The following GBF1 variants were observed in gnomAD, a reference collection of about 807,000 sequenced individuals.
The protein encoded by GBF1 is Golgi-specific brefeldin A-resistance guanine nucleotide exchange factor 1.
A neutral mutation model predicts 210.5 loss-of-function variants in GBF1; 114 were observed. The observed-to-expected ratio is 0.54, with a 90% confidence interval of 0.47 to 0.63. GBF1 has a LOEUF of 0.63. Ranked by LOEUF, GBF1 falls within the 30% of genes least tolerant of loss-of-function variation. The pLI is 0.00. For missense variants in GBF1, 1,851 were observed against 2,357.7 expected (o/e 0.79, Z 4.45); for synonymous variants, 850 against 889.2 (o/e 0.96, Z 0.78).
the GBF1 span, among the ~76,000 whole-genome samples, chr10:102,239,558 A>G: frequency 6.6e-6 from 1 of 152,268 alleles, no homozygotes; most frequent in Non-Finnish European, 1.5e-5. Flanking sequence ...AATCCTAGCC[A>G]GTAATAAGCA....
At chr10:102,291,800 A>G (rs976460041) in intron 3 of GBF1, among the ~76,000 whole-genome samples, 8 of 152,034 alleles carry the variant, frequency 5.3e-5, no homozygotes, top group Admixed American at 5.2e-4. Flanking sequence ...TACCATTGAC[A>G]AAGGTTCTCT....
chr10:102,250,913 C>T (rs900911228), intron 1 of GBF1, among the ~76,000 whole-genome samples: 3 of 151,748 alleles, frequency 2.0e-5, no homozygotes, highest in Non-Finnish European at 2.9e-5. Flanking sequence ...GCCGAGATTG[C>T]GCCACTGCAC....
chr10:102,325,401 T>G (rs1385990546), intron 3 of GBF1, among the ~76,000 whole-genome samples: 4 of 151,706 alleles, frequency 2.6e-5, no homozygotes, highest in Non-Finnish European at 5.9e-5. Flanking sequence ...AATGCAAAAA[T>G]TAGCTAGGCG....
chr10:102,378,470 A>G (rs2060642214), intron 33 of GBF1, among the ~76,000 whole-genome samples: 1 of 151,618 alleles, frequency 6.6e-6, no homozygotes, highest in Non-Finnish European at 1.5e-5. Context: ...AAAAATAAAA[A>G]TGCAAAAATT....
At chr10:102,311,506 G>A (rs1445108310) in intron 3 of GBF1, among the ~76,000 whole-genome samples, 1 of 152,204 alleles carries the variant, frequency 6.6e-6, no homozygotes, top group Non-Finnish European at 1.5e-5. Context: ...TCTCCAGGAT[G>A]ATCTTACGCT....
At chr10:102,381,711 G>A (rs999208745) in intron 39 of GBF1, among the ~76,000 whole-genome samples, 36 of 150,564 alleles carry the variant, frequency 2.4e-4, no homozygotes, top group African/African-American at 8.8e-4. Context: ...TATAATCCCA[G>A]CTACTGGGGA....
intron 3 of GBF1, among the ~76,000 whole-genome samples, chr10:102,338,495 C>T (rs1262949393): frequency 1.3e-5 from 2 of 151,866 alleles, no homozygotes; most frequent in Non-Finnish European, 2.9e-5. Flanking sequence ...CCACTCACCT[C>T]GGCCTCCCAA....
intron 3 of GBF1, among the ~76,000 whole-genome samples, chr10:102,321,039 A>G (rs543250710): frequency 6.6e-6 from 1 of 151,950 alleles, no homozygotes; most frequent in Admixed American, 6.6e-5. Context: ...CAAGTGATCC[A>G]CCCACCTTGG....
chr10:102,260,476 CT>C (rs60452124), intron 3 of GBF1, among the ~76,000 whole-genome samples: 22 of 72,436 alleles, frequency 3.0e-4, no homozygotes, highest in East Asian at 2.6e-3. Context: ...TTCCTTTCTT[CT>C]TTTTTTTTTT....
At chr10:102,308,803 C>T (rs1050994118) in intron 3 of GBF1, among the ~76,000 whole-genome samples, 15 of 151,376 alleles carry the variant, frequency 9.9e-5, no homozygotes, top group African/African-American at 4.9e-5. Flanking sequence ...TGCAGCACAC[C>T]AGCATGGCAC....
intron 1 of GBF1, among the ~76,000 whole-genome samples, chr10:102,249,426 G>T (rs1037550029): frequency 6.6e-6 from 1 of 152,194 alleles, no homozygotes; most frequent in East Asian, 1.9e-4. Context: ...TCCACAGGGG[G>T]AGGAGATGGC....
At chr10:102,250,818 G>A (rs1473328682) in intron 1 of GBF1, among the ~76,000 whole-genome samples, 2 of 152,058 alleles carry the variant, frequency 1.3e-5, no homozygotes, top group African/African-American at 4.8e-5. Context: ...TTAGCTAGGC[G>A]TGGTTGTGGG....
intron 1 of GBF1, among the ~76,000 whole-genome samples, chr10:102,247,589 C>A (rs1024525606): frequency 6.6e-6 from 1 of 152,178 alleles, no homozygotes; most frequent in Non-Finnish European, 1.5e-5. Context: ...TCCAGTCATC[C>A]TCAGTTGAGC....
chr10:102,324,047 A>G (rs191290657), intron 3 of GBF1, among the ~76,000 whole-genome samples: 128 of 152,310 alleles, frequency 8.4e-4, no homozygotes, highest in Non-Finnish European at 4.9e-4. Flanking sequence ...GTGCAAGTGG[A>G]AAAAAGAGAG....
chr10:102,378,527 T>C (rs1331258630), intron 33 of GBF1, among the ~76,000 whole-genome samples: 1 of 151,920 alleles, frequency 6.6e-6, no homozygotes, highest in African/African-American at 2.4e-5. Context: ...CTGGGGAGGC[T>C]GAGTAGCTGA....
At position 102,370,149 on chromosome 10, in the gene GBF1, CCCCTCTCTCTTTTG is replaced by C. The variant is rs1446639333; in HGVS notation, c.3340-16_3340-3del. The C allele has an allele frequency of 6.3e-7, 1 of 1,579,862 alleles. No homozygotes were observed. Among genetic ancestry groups the C allele is most frequent in the Non-Finnish European group, 8.7e-7 (1 of 1,149,154 alleles). The stretch of plus-strand genomic sequence containing the variant: ...GTTCTCTTCAGCCTTTGTCAAAGAC[CCCCTCTCTCTTTTG>C]CCCTCTCTAGCAATGTGACCCAGAA... On this transcript the variant is annotated splice_polypyrimidine_tract_variant and intron_variant, in intron 26 of 39. Coordinates refer to ENST00000369983, the MANE Select transcript of GBF1 (RefSeq NM_001377137.1).
chr10:102,345,397 A>G (rs921512159), intron 4 of GBF1, among the ~76,000 whole-genome samples: 2 of 151,686 alleles, frequency 1.3e-5, no homozygotes, highest in Non-Finnish European at 2.9e-5. Context: ...TCATGCCTGT[A>G]ATCCCAGCAC....
intron 3 of GBF1, among the ~76,000 whole-genome samples, chr10:102,290,620 C>G (rs1282909897): frequency 6.6e-6 from 1 of 152,124 alleles, no homozygotes; most frequent in African/African-American, 2.4e-5. Flanking sequence ...ATCTCAGCCT[C>G]CCTGAGTAGC....
At chr10:102,300,291 G>T (rs1320513689) in intron 3 of GBF1, among the ~76,000 whole-genome samples, 1 of 152,164 alleles carries the variant, frequency 6.6e-6, no homozygotes, top group Non-Finnish European at 1.5e-5. Context: ...CTTGGAAGAT[G>T]GTAGCTGTTC....
Sources: gnomAD v4.1 joint callset for allele counts (sites outside exome capture counted in the v4.1 genomes callset) on GRCh38, gnomAD v4.1.1 for gene constraint, MANE v1.5 for transcripts, NCBI Gene and HGNC (gene_info 2026-07-23, HGNC 2026-07-21) for gene names.